The following ROBO2 variants were observed in gnomAD, a reference collection of about 807,000 sequenced individuals.
ROBO2 encodes roundabout guidance receptor 2, also known as roundabout homolog 2.
Under a neutral mutation model 160.8 loss-of-function variants are expected in ROBO2, and 53 were observed. That is an observed-to-expected ratio of 0.33 (90% confidence interval 0.26 to 0.41). ROBO2 has a LOEUF of 0.41. Among genes scored for constraint, ROBO2 ranks in the 10% least tolerant of loss-of-function variants. ROBO2 has a pLI of 1.00. For synonymous variants in ROBO2, 664 were observed against 611.7 expected, an observed-to-expected ratio of 1.09 and a Z score of -1.26; for missense variants, 1,577 against 1,722.4, an observed-to-expected ratio of 0.92 and a Z score of 1.49.
intron 2 of ROBO2, among the ~76,000 whole-genome samples, chr3:76,116,005 A>T (rs2070453821): frequency 6.6e-6 from 1 of 152,166 alleles, no homozygotes; most frequent in Non-Finnish European, 1.5e-5. Flanking sequence ...AAATGAAAAC[A>T]CTATTAACTG....
chr3:77,350,942 C>T (rs1046897928), intron 2 of ROBO2, among the ~76,000 whole-genome samples: 1 of 152,196 alleles, frequency 6.6e-6, no homozygotes, highest in Non-Finnish European at 1.5e-5. Context: ...ATTTATCAAG[C>T]ACAGCTGGTC....
chr3:77,535,583 C>T (rs976500036), intron 6 of ROBO2, among the ~76,000 whole-genome samples: 21 of 151,980 alleles, frequency 1.4e-4, no homozygotes, highest in African/African-American at 4.8e-4. Context: ...ATAATGAATT[C>T]GTTTTTAAGT....
At chr3:76,217,233 CTAACA>C (rs991808550) in intron 2 of ROBO2, among the ~76,000 whole-genome samples, 4 of 152,146 alleles carry the variant, frequency 2.6e-5, no homozygotes, top group Non-Finnish European at 5.9e-5. Flanking sequence ...AATTGACACC[CTAACA>C]TCACAATGAA....
intron 2 of ROBO2, among the ~76,000 whole-genome samples, chr3:77,335,585 A>AC (rs1453058410): frequency 6.6e-6 from 1 of 152,042 alleles, no homozygotes; most frequent in African/African-American, 2.4e-5. Context: ...TTTACAATAG[A>AC]CCCCAAGCCC....
At chr3:76,456,911 A>T (rs1250360832) in intron 2 of ROBO2, among the ~76,000 whole-genome samples, 1 of 152,160 alleles carries the variant, frequency 6.6e-6, no homozygotes, top group Non-Finnish European at 1.5e-5. Flanking sequence ...AGCTCGTGAG[A>T]CTTACTCACT....
intron 2 of ROBO2, among the ~76,000 whole-genome samples, chr3:76,955,665 T>G (rs1046340674): frequency 1.3e-5 from 2 of 152,170 alleles, no homozygotes; most frequent in African/African-American, 4.8e-5. Context: ...TGCACTAAAA[T>G]AGGACAATTA....
intron 2 of ROBO2, among the ~76,000 whole-genome samples, chr3:76,901,811 C>T (rs1449754067): frequency 6.6e-6 from 1 of 151,926 alleles, no homozygotes; most frequent in Non-Finnish European, 1.5e-5. Context: ...TATATGCACA[C>T]ATTTGATCAA....
At position 77,537,848 on chromosome 3, in the gene ROBO2, C is replaced by T. The variant is rs143593319; in HGVS notation, c.935-8490C>T. On this transcript the variant is annotated intron_variant, in intron 6 of 25. Transcript: ENST00000461745. ...TATAAAACCATCAGATCTTGTGAGA[C>T]TTATTCAGTATCACAAGAACAGCAG... is the stretch of plus-strand genomic sequence containing the variant. 4.9e-3 allele frequency among the ~76,000 whole-genome samples: 743 copies of T among 152,138 alleles called. 2 individuals carry two copies. Among genetic ancestry groups the T allele is most frequent in the Non-Finnish European group, 8.5e-3 (579 of 67,992 alleles).
intron 2 of ROBO2, among the ~76,000 whole-genome samples, chr3:76,006,449 G>C (rs1003954695): frequency 6.6e-6 from 1 of 152,144 alleles, no homozygotes; most frequent in African/African-American, 2.4e-5. Flanking sequence ...ATATTGGTGT[G>C]ATGAGATCAG....
At chr3:77,289,110 C>A (rs897490344) in intron 2 of ROBO2, among the ~76,000 whole-genome samples, 2 of 152,068 alleles carry the variant, frequency 1.3e-5, no homozygotes, top group Non-Finnish European at 2.9e-5. Context: ...GTGGATTGTA[C>A]AGTCTAGTGG....
chr3:76,870,476 C>G (rs2071911264), intron 2 of ROBO2, among the ~76,000 whole-genome samples: 1 of 152,130 alleles, frequency 6.6e-6, no homozygotes, highest in South Asian at 2.1e-4. Flanking sequence ...AGATGATCTT[C>G]CAGTTTTGTA....
intron 2 of ROBO2, among the ~76,000 whole-genome samples, chr3:76,331,064 C>T (rs1420939300): frequency 3.3e-5 from 5 of 152,164 alleles, no homozygotes; most frequent in Non-Finnish European, 7.3e-5. Context: ...TGAAGCTTTT[C>T]TACCACTTCG....
At chr3:76,594,562 T>G (rs1477770011) in intron 2 of ROBO2, among the ~76,000 whole-genome samples, 3 of 152,064 alleles carry the variant, frequency 2.0e-5, no homozygotes, top group Non-Finnish European at 2.9e-5. Context: ...ATCATTCCCC[T>G]GTTCACTTTC....
intron 2 of ROBO2, among the ~76,000 whole-genome samples, chr3:76,975,552 T>C (rs985387125): frequency 1.2e-4 from 18 of 152,194 alleles, no homozygotes; most frequent in Admixed American, 9.8e-4. Flanking sequence ...TTTTAGCATC[T>C]TTGTGTCCGT....
At chr3:77,003,277 A>C (rs544983011) in intron 2 of ROBO2, among the ~76,000 whole-genome samples, 85 of 152,316 alleles carry the variant, frequency 5.6e-4, no homozygotes, top group African/African-American at 2.0e-3. Flanking sequence ...TGGGAGCAAG[A>C]CACCTCCATA....
chr3:77,046,654 C>T (rs367685381), intron 1 of ROBO2, among the ~76,000 whole-genome samples: 2 of 152,174 alleles, frequency 1.3e-5, no homozygotes, highest in East Asian at 1.9e-4. Context: ...ATCTCTGTAC[C>T]AGGCTTCTGC....
At chr3:76,677,428 G>A (rs746933981) in intron 2 of ROBO2, among the ~76,000 whole-genome samples, 1 of 152,162 alleles carries the variant, frequency 6.6e-6, no homozygotes, top group Non-Finnish European at 1.5e-5. Context: ...ATGAGGCCTT[G>A]GAAATAGGTA....
intron 2 of ROBO2, among the ~76,000 whole-genome samples, chr3:76,512,679 T>C (rs928775018): frequency 6.6e-6 from 1 of 152,150 alleles, no homozygotes; most frequent in African/African-American, 2.4e-5. Context: ...ACACACACTT[T>C]CTTTCAGGCA....
At chr3:76,466,361 G>A (rs2078361406) in intron 2 of ROBO2, among the ~76,000 whole-genome samples, 1 of 151,604 alleles carries the variant, frequency 6.6e-6, no homozygotes, top group Non-Finnish European at 1.5e-5. Flanking sequence ...CACCTACGTC[G>A]ATCTTACTGT....
Sources: gnomAD v4.1 joint callset for allele counts (sites outside exome capture counted in the v4.1 genomes callset) on GRCh38, gnomAD v4.1.1 for gene constraint, MANE v1.5 for transcripts, NCBI Gene and HGNC (gene_info 2026-07-23, HGNC 2026-07-21) for gene names.